NR2C2: variants seen among roughly 807,000 people sequenced by gnomAD.
The protein encoded by NR2C2 is nuclear receptor subfamily 2 group C member 2, also known as Nuclear hormone receptor TR4.
In NR2C2, 6 loss-of-function variants were observed where a neutral mutation model predicts 62.9. That is an observed-to-expected ratio of 0.10 (90% CI 0.05 to 0.19). The LOEUF (loss-of-function observed/expected upper bound fraction) is 0.19. NR2C2 is among the 10% of genes least tolerant of loss of function. The pLI is 1.00. For synonymous variants in NR2C2, 272 were observed against 273.8 expected (o/e 0.99, Z 0.07); for missense variants, 479 against 762.7 (o/e 0.63, Z 4.38).
chr3:14,962,110 G>C (rs1411225816), intron 1 of NR2C2, among the ~76,000 whole-genome samples: 1 of 152,200 alleles, frequency 6.6e-6, no homozygotes, highest in African/African-American at 2.4e-5. Context: ...CCACCTCCCT[G>C]AGAGGTAAAC....
At chr3:14,973,799 C>T (rs1156792662) in intron 1 of NR2C2, among the ~76,000 whole-genome samples, 1 of 152,066 alleles carries the variant, frequency 6.6e-6, no homozygotes, top group Non-Finnish European at 1.5e-5. Context: ...GGTAAAACCA[C>T]ATAACATAAA....
chr3:14,975,833 G>T (rs1331785789), intron 1 of NR2C2, among the ~76,000 whole-genome samples: 2 of 151,866 alleles, frequency 1.3e-5, no homozygotes, highest in Admixed American at 6.6e-5. Context: ...GAAGCCATGT[G>T]GTCCAGGACT....
intron 1 of NR2C2, among the ~76,000 whole-genome samples, chr3:14,977,948 CAAAA>C (rs11388882): frequency 3.8e-5 from 4 of 104,220 alleles, no homozygotes; most frequent in East Asian, 6.0e-4. Flanking sequence ...GACTCTGCCT[CAAAA>C]AAAAAAAAAA....
chr3:14,994,678 T>C (rs2040770911), intron 1 of NR2C2, among the ~76,000 whole-genome samples: 2 of 150,972 alleles, frequency 1.3e-5, no homozygotes, highest in African/African-American at 2.4e-5. Flanking sequence ...GTTGACCTCA[T>C]GATCCGCCAA....
chr3:15,037,434 A>G (rs1209876776), intron 11 of NR2C2, among the ~76,000 whole-genome samples: 1 of 152,166 alleles, frequency 6.6e-6, no homozygotes, highest in Non-Finnish European at 1.5e-5. Flanking sequence ...ATGAGGATTA[A>G]ATGAAATAAC....
chr3:15,042,116 C>T (rs201395529), intron 13 of NR2C2, among the ~76,000 whole-genome samples: 1 of 152,148 alleles, frequency 6.6e-6, no homozygotes, highest in Admixed American at 6.5e-5. Context: ...GCACATGCTC[C>T]ACTTGCTCAC....
At chr3:14,966,924 T>C (rs913419149) in intron 1 of NR2C2, among the ~76,000 whole-genome samples, 2 of 152,362 alleles carry the variant, frequency 1.3e-5, no homozygotes, top group East Asian at 1.9e-4. Flanking sequence ...TGAAATTGTT[T>C]ATAAAGAATT....
rs1384332288 is a variant in NR2C2 at position 15,043,826 on chromosome 3, T to G, written c.*818T>G. ...CTCCTTTGATGACTGGTTATCTGAA[T>G]TGGATTGCAACTAGTCAGACATTAA... On this transcript the variant is annotated 3_prime_UTR_variant, in exon 14 of 14. Transcript: ENST00000425241. 1 of 152,216 alleles carries G rather than the reference T, an allele frequency of 6.6e-6. No homozygotes were observed. Among genetic ancestry groups the G allele is most frequent in the East Asian group, 1.9e-4 (1 of 5,192 alleles). The allele number at this position is 152,216 out of a possible 1,614,324, so 9.4% of individuals were successfully genotyped here.
chr3:14,974,699 G>A (rs1001042445), intron 1 of NR2C2, among the ~76,000 whole-genome samples: 1 of 151,596 alleles, frequency 6.6e-6, no homozygotes, highest in Non-Finnish European at 1.5e-5. Flanking sequence ...CACTTCACAG[G>A]TTCAAGTAAT....
chr3:15,020,886 G>A lies in NR2C2; in HGVS notation c.510G>A (p.Gln170=), dbSNP rs377761606. 3.8e-5 allele frequency: 61 copies of A among 1,614,028 alleles called. No homozygotes were observed. The African/African-American group carries it at 6.3e-4, about 17-fold the overall frequency. ...ATAAACATCACCGGAACCGCTGTCAGTTTTGCCGGCTGAAAAAATGCTTAG... is the reference window on the plus strand; with the variant it reads ...ATAAACATCACCGGAACCGCTGTCAATTTTGCCGGCTGAAAAAATGCTTAG... ...IINKHHRNRC[Q]FCRLKKCLEM... is the part of the protein sequence containing the mutation. The change falls in exon 5 of 14, where the codon CAG becomes CAA. Residue 170 remains glutamine (Q), a synonymous_variant. Transcript: ENST00000425241.
intron 2 of NR2C2, among the ~76,000 whole-genome samples, chr3:15,012,422 C>T (rs1439686908): frequency 6.6e-6 from 1 of 152,044 alleles, no homozygotes; most frequent in Non-Finnish European, 1.5e-5. Flanking sequence ...GACAGGGTTT[C>T]GCCATGTTGA....
chr3:15,031,567 C>T (rs1575032419), intron 9 of NR2C2, among the ~76,000 whole-genome samples: 1 of 151,854 alleles, frequency 6.6e-6, no homozygotes, highest in East Asian at 1.9e-4. Context: ...AGATGGTGTC[C>T]TTGATATGTT....
intron 1 of NR2C2, among the ~76,000 whole-genome samples, chr3:15,002,261 G>A (rs1428804158): frequency 6.6e-6 from 1 of 151,972 alleles, no homozygotes; most frequent in African/African-American, 2.4e-5. Context: ...TTTATATCTC[G>A]TTTATTGAGT....
intron 7 of NR2C2, among the ~76,000 whole-genome samples, chr3:15,027,636 C>A (rs2041860869): frequency 1.3e-5 from 2 of 152,110 alleles, no homozygotes; most frequent in African/African-American, 4.8e-5. Flanking sequence ...CTCACTCTGT[C>A]TGATAGGCTG....
chr3:15,036,725 G>A (rs549911274), intron 11 of NR2C2, among the ~76,000 whole-genome samples: 1 of 152,232 alleles, frequency 6.6e-6, no homozygotes, highest in Admixed American at 6.5e-5. Context: ...ACTTTTAATT[G>A]GGCATTCCAG....
intron 13 of NR2C2, 145 bp from the exon 14 acceptor site, chr3:15,042,689 T>C (rs554028436): frequency 1.3e-4 from 85 of 667,760 alleles, no homozygotes; most frequent in African/African-American, 1.2e-3. Context: ...AGAGGAACTG[T>C]TGAAATCAGA....
intron 1 of NR2C2, among the ~76,000 whole-genome samples, chr3:14,982,404 G>A (rs545298296): frequency 5.9e-5 from 9 of 152,284 alleles, no homozygotes; most frequent in Admixed American, 5.9e-4. Context: ...TGACTTTTCA[G>A]AGTTGGAATT....
intron 11 of NR2C2, 97 bp downstream of exon 11, chr3:15,034,906 C>A: frequency 2.3e-6 from 3 of 1,297,552 alleles, no homozygotes; most frequent in South Asian, 1.6e-5. Context: ...ATGTCAAAGA[C>A]ACCTTTGTTG....
chr3:15,013,509 G>T, intron 2 of NR2C2, 80 bp from the exon 3 acceptor site: 1 of 1,274,520 alleles, frequency 7.8e-7, no homozygotes, highest in South Asian at 1.3e-5. Flanking sequence ...GTTTTTGGCA[G>T]TCACCACTTT....
Sources: gnomAD v4.1 joint callset for allele counts (sites outside exome capture counted in the v4.1 genomes callset) on GRCh38, gnomAD v4.1.1 for gene constraint, MANE v1.5 for transcripts, NCBI Gene and HGNC (gene_info 2026-07-23, HGNC 2026-07-21) for gene names.